Variants in B3GALT1 observed in about 807,000 individuals in gnomAD.
B3GALT1 encodes the protein beta-1,3-galactosyltransferase 1.
B3GALT1 carries 10 observed loss-of-function variants against 23.2 expected under a neutral mutation model. The ratio of observed to expected loss-of-function variants is 0.43; its 90% CI spans 0.27 to 0.73. The LOEUF (loss-of-function observed/expected upper bound fraction) is 0.73. Ranked by LOEUF, B3GALT1 falls within the 30% of genes least tolerant of loss-of-function variation. B3GALT1 has a pLI of 0.21. For missense variants in B3GALT1, 299 were observed against 405.4 expected (o/e 0.74, Z 2.25); for synonymous variants, 156 against 141.5 (o/e 1.10, Z -0.73).
intron 1 of B3GALT1, among the ~76,000 whole-genome samples, chr2:167,325,160 A>G (rs944828541): frequency 1.3e-5 from 2 of 152,196 alleles, no homozygotes; most frequent in African/African-American, 4.8e-5. Flanking sequence ...TAGTGCTACA[A>G]TAAACATGGG....
intron 1 of B3GALT1, among the ~76,000 whole-genome samples, chr2:167,449,883 G>T (rs896190437): frequency 2.0e-5 from 3 of 152,020 alleles, no homozygotes; most frequent in Non-Finnish European, 2.9e-5. Flanking sequence ...TCTTTATGTG[G>T]TATATCATAT....
At chr2:167,679,109 TTTTTTTGTTTTTG>T (rs1321281118) in intron 3 of B3GALT1, among the ~76,000 whole-genome samples, 9 of 138,648 alleles carry the variant, frequency 6.5e-5, no homozygotes, top group Admixed American at 2.4e-4. Context: ...TTTGTTTTTG[TTTTTTTGTTTTTG>T]TTTTTTTTTT....
chr2:167,788,139 A>G (rs1257715129), intron 3 of B3GALT1, among the ~76,000 whole-genome samples: 1 of 152,016 alleles, frequency 6.6e-6, no homozygotes, highest in South Asian at 2.1e-4. Flanking sequence ...ACCCCTGACC[A>G]GGTCTGAGCT....
chr2:167,386,228 T>G (rs531750034), intron 1 of B3GALT1, among the ~76,000 whole-genome samples: 2 of 152,244 alleles, frequency 1.3e-5, no homozygotes, highest in East Asian at 1.9e-4. Context: ...GGTTTGAAAC[T>G]GCTCTGGGTA....
chr2:167,296,181 T>G (rs1469401975), intron 1 of B3GALT1, among the ~76,000 whole-genome samples: 1 of 152,230 alleles, frequency 6.6e-6, no homozygotes, highest in African/African-American at 2.4e-5. Context: ...ACTTCTTGAC[T>G]TGTACAAAAT....
intron 2 of B3GALT1, among the ~76,000 whole-genome samples, chr2:167,565,495 A>G (rs764145312): frequency 6.9e-4 from 105 of 152,336 alleles, no homozygotes; most frequent in Non-Finnish European, 8.7e-4. Flanking sequence ...ACAAAAGCCA[A>G]AATTGACAAA....
intron 1 of B3GALT1, among the ~76,000 whole-genome samples, chr2:167,434,039 A>T (rs2105308695): frequency 6.6e-6 from 1 of 152,352 alleles, no homozygotes; most frequent in South Asian, 2.1e-4. Flanking sequence ...ATTCTATCAT[A>T]AATAAATAAA....
chr2:167,581,497 G>A (rs1296830830), intron 2 of B3GALT1, among the ~76,000 whole-genome samples: 4 of 152,132 alleles, frequency 2.6e-5, no homozygotes, highest in Non-Finnish European at 4.4e-5. Context: ...AACAGACTAA[G>A]TATTTCTGCT....
intron 2 of B3GALT1, among the ~76,000 whole-genome samples, chr2:167,586,521 G>A (rs191681748): frequency 0.011 from 1,604 of 152,168 alleles, 32 homozygotes; most frequent in African/African-American, 0.037. Flanking sequence ...GGATGGTCTC[G>A]ATCTCCTGAC....
chr2:167,714,674 CAATT>C lies in B3GALT1; in HGVS notation c.-352+67710_-352+67713del, dbSNP rs1026505603. ...TCTTTCAGCAGTCCGAGCTGCCAAC[CAATT>C]ATTATGTCCTTTTTTCTCGTAGGAA... On this transcript the variant is annotated intron_variant, in intron 3 of 4. Transcript: ENST00000392690. 1.9e-6 allele frequency: 3 copies of C among 1,613,738 alleles called. No individual in the cohort carries two copies. The African/African-American group carries it at 4.0e-5, about 22-fold the overall frequency.
At chr2:167,599,359 A>G (rs73013390) in intron 2 of B3GALT1, among the ~76,000 whole-genome samples, 1,598 of 152,330 alleles carry the variant, frequency 0.01, 34 homozygotes, top group African/African-American at 0.036. Flanking sequence ...CCACTTTATG[A>G]AGATAACAAA....
intron 1 of B3GALT1, among the ~76,000 whole-genome samples, chr2:167,399,048 ATGTC>A (rs1473333110): frequency 6.6e-6 from 1 of 152,226 alleles, no homozygotes; most frequent in Admixed American, 6.5e-5. Context: ...TGCCATGGCC[ATGTC>A]TGTCTGGCAG....
At chr2:167,835,500 A>G (rs1689443998) in intron 4 of B3GALT1, among the ~76,000 whole-genome samples, 3 of 152,254 alleles carry the variant, frequency 2.0e-5, no homozygotes, top group Admixed American at 6.5e-5. Context: ...ACCATTGCCC[A>G]TGCTTGCTTA....
rs1038472819 is a variant in B3GALT1 at position 167,415,942 on chromosome 2, A to G, written c.-510-74235A>G. ...TGCATGACTACTTTTAACCACTTAC[A>G]TTAAGCTGTGAGTTTAAAAAAAAAT... On this transcript the variant is annotated intron_variant, in intron 1 of 4. Transcript: ENST00000392690. Among the ~76,000 whole-genome samples, 6 of 152,158 alleles carry G rather than the reference A, an allele frequency of 3.9e-5. No homozygotes were observed. The South Asian group carries it at 1.2e-3, about 31-fold the overall frequency.
At chr2:167,439,587 G>C (rs1446053083) in intron 1 of B3GALT1, among the ~76,000 whole-genome samples, 1 of 151,450 alleles carries the variant, frequency 6.6e-6, no homozygotes, top group Non-Finnish European at 1.5e-5. Context: ...AAGTTTTAGG[G>C]TACATGTGCA....
At chr2:167,409,811 G>A (rs981761904) in intron 1 of B3GALT1, among the ~76,000 whole-genome samples, 11 of 151,876 alleles carry the variant, frequency 7.2e-5, no homozygotes, top group Middle Eastern at 3.5e-3. Context: ...AAATAGGAAC[G>A]CTTCTACACT....
intron 1 of B3GALT1, among the ~76,000 whole-genome samples, chr2:167,355,381 G>T (rs1017565514): frequency 1.3e-5 from 2 of 152,196 alleles, no homozygotes; most frequent in South Asian, 2.1e-4. Flanking sequence ...GGATTGGTGG[G>T]CCCAGTGCTT....
chr2:167,853,091 C>T (rs796868195), intron 4 of B3GALT1, among the ~76,000 whole-genome samples: 1 of 152,148 alleles, frequency 6.6e-6, no homozygotes, highest in African/African-American at 2.4e-5. Flanking sequence ...ACCTAAAATA[C>T]AATCAATTGT....
intron 4 of B3GALT1, among the ~76,000 whole-genome samples, chr2:167,827,119 G>A (rs1689247530): frequency 6.6e-6 from 1 of 152,128 alleles, no homozygotes; most frequent in African/African-American, 2.4e-5. Flanking sequence ...ATGTACAAAG[G>A]TCAAGACTCA....
Sources: gnomAD v4.1 joint callset for allele counts (sites outside exome capture counted in the v4.1 genomes callset) on GRCh38, gnomAD v4.1.1 for gene constraint, MANE v1.5 for transcripts, NCBI Gene and HGNC (gene_info 2026-07-23, HGNC 2026-07-21) for gene names.